The following OSBPL10 variants were observed in gnomAD, a reference collection of about 807,000 sequenced individuals.
The protein encoded by OSBPL10 is oxysterol-binding protein-related protein 10.
Under a neutral mutation model 81.7 loss-of-function variants are expected in OSBPL10, and 49 were observed. That is an observed-to-expected ratio of 0.60 (90% CI 0.48 to 0.76). The LOEUF (loss-of-function observed/expected upper bound fraction) is 0.76. Ranked by LOEUF, OSBPL10 falls within the 30% of genes least tolerant of loss-of-function variation. The probability of loss-of-function intolerance (pLI) is 0.00; values close to 1 mark genes in which losing one functional copy is unlikely to be tolerated. For missense variants in OSBPL10, 923 were observed against 987.8 expected (o/e 0.93, Z 0.88); for synonymous variants, 419 against 383.6 (o/e 1.09, Z -1.08).
chr3:31,994,671 C>T (rs754221696), intron 2 of OSBPL10, among the ~76,000 whole-genome samples: 23 of 152,086 alleles, frequency 1.5e-4, no homozygotes, highest in Non-Finnish European at 2.9e-4. Context: ...AAATGAGACA[C>T]CAAATCAGAA....
intron 1 of OSBPL10, among the ~76,000 whole-genome samples, chr3:31,914,311 TAA>T (rs200015281): frequency 8.6e-5 from 13 of 151,928 alleles, no homozygotes; most frequent in African/African-American, 2.9e-4. Context: ...TATTGGTGAA[TAA>T]AAGAGTGCTA....
intron 6 of OSBPL10, chr3:31,709,106 A>G: frequency 1.1e-6 from 1 of 896,494 alleles, no homozygotes; most frequent in East Asian, 1.2e-4. Flanking sequence ...CCCGATGGAG[A>G]AGCTGGATCT....
intron 6 of OSBPL10, among the ~76,000 whole-genome samples, chr3:31,716,810 G>T (rs982557686): frequency 6.6e-6 from 1 of 152,208 alleles, no homozygotes; most frequent in Admixed American, 6.5e-5. Context: ...GATTCAGAAA[G>T]CTATCACCTT....
Position 31,967,531 on chromosome 3 carries a change from C to A in OSBPL10, c.281+13368G>T, listed in dbSNP as rs148650785. On this transcript the variant is annotated intron_variant, in intron 1 of 11. Coordinates refer to ENST00000396556, the MANE Select transcript of OSBPL10 (RefSeq NM_017784.5). ...ATAAATGGTAATTCATTATAATTTT[C>A]CTATGTTGGAGTAATGAGGAAACAA... is the stretch of plus-strand genomic sequence containing the variant. 2.9e-3 allele frequency among the ~76,000 whole-genome samples: 447 copies of A among 152,154 alleles called. 4 individuals carry two copies. The highest frequency in any genetic ancestry group is 0.01 in the African/African-American group (417 of 41,504).
intron 4 of OSBPL10, among the ~76,000 whole-genome samples, chr3:31,782,459 G>A (rs1698720441): frequency 6.6e-6 from 1 of 152,126 alleles, no homozygotes; most frequent in Non-Finnish European, 1.5e-5. Context: ...ATTAAACCCA[G>A]AAGTTTCTGC....
At chr3:32,003,191 G>A (rs766486009) in intron 2 of OSBPL10, among the ~76,000 whole-genome samples, 5 of 152,224 alleles carry the variant, frequency 3.3e-5, no homozygotes, top group Non-Finnish European at 5.9e-5. Flanking sequence ...GGAGGACTGC[G>A]TAACACTTAC....
chr3:31,808,242 G>A (rs935260224), intron 4 of OSBPL10, among the ~76,000 whole-genome samples: 1 of 152,306 alleles, frequency 6.6e-6, no homozygotes, highest in East Asian at 1.9e-4. Flanking sequence ...GGGAAAGGGG[G>A]AGAAAGGACG....
At chr3:31,788,760 A>G (rs965876302) in intron 4 of OSBPL10, among the ~76,000 whole-genome samples, 3 of 152,148 alleles carry the variant, frequency 2.0e-5, no homozygotes, top group African/African-American at 7.2e-5. Context: ...CCTGGGCAAC[A>G]AAGTGAGACC....
chr3:31,999,335 CTT>C (rs1699121324), intron 2 of OSBPL10, among the ~76,000 whole-genome samples: 1 of 145,072 alleles, frequency 6.9e-6, no homozygotes, highest in Admixed American at 6.9e-5. Context: ...CTTTGGGAGA[CTT>C]TTCAGATAAA....
At chr3:32,075,520 G>A (rs6789724) in intron 1 of OSBPL10, among the ~76,000 whole-genome samples, 19,661 of 152,080 alleles carry the variant, frequency 0.13, 1,690 homozygotes, top group Admixed American at 0.19. Context: ...ATACAAAACA[G>A]CATCCAGGCC....
At chr3:31,881,358 GAA>G in intron 1 of OSBPL10, among the ~76,000 whole-genome samples, 2 of 152,158 alleles carry the variant, frequency 1.3e-5, no homozygotes, top group Admixed American at 6.5e-5. Context: ...GTCATACAGT[GAA>G]CTGATAGAGG....
chr3:31,709,539 A>G (rs571949827), intron 6 of OSBPL10, among the ~76,000 whole-genome samples: 1 of 152,336 alleles, frequency 6.6e-6, no homozygotes, highest in Admixed American at 6.5e-5. Flanking sequence ...TAATTTCTAC[A>G]TTTCTGATTA....
At chr3:31,990,027 T>G (rs1699001931) in intron 2 of OSBPL10, 1 of 1,614,034 alleles carries the variant, frequency 6.2e-7, no homozygotes, top group Admixed American at 1.7e-5. Flanking sequence ...CTTACAAATG[T>G]GAAGAATGTG....
intron 1 of OSBPL10, among the ~76,000 whole-genome samples, chr3:31,921,657 C>T (rs1696919846): frequency 6.6e-6 from 1 of 152,170 alleles, no homozygotes; most frequent in African/African-American, 2.4e-5. Flanking sequence ...TCCCAGGCAT[C>T]AGAACTGCAA....
At chr3:32,025,526 C>A (rs957078035) in intron 2 of OSBPL10, among the ~76,000 whole-genome samples, 3 of 152,110 alleles carry the variant, frequency 2.0e-5, no homozygotes, top group African/African-American at 7.2e-5. Flanking sequence ...ATTGAATGAG[C>A]TGGGAAGTGT....
At chr3:31,848,901 A>T (rs1388145840) in intron 3 of OSBPL10, among the ~76,000 whole-genome samples, 6 of 152,260 alleles carry the variant, frequency 3.9e-5, no homozygotes, top group African/African-American at 1.2e-4. Flanking sequence ...ACTGACTGAC[A>T]GTGGCCTAAA....
At position 31,965,499 on chromosome 3, in the gene OSBPL10, A is replaced by G. The variant is rs1698314554; in HGVS notation, c.281+15400T>C. 5.1e-5 allele frequency among the ~76,000 whole-genome samples: 5 copies of G among 97,458 alleles called. 1 individual carries two copies. Among genetic ancestry groups the G allele is most frequent in the East Asian group, 2.6e-4 (1 of 3,902 alleles). The allele number at this position is 97,458 out of a possible 152,430, so 63.9% of individuals were successfully genotyped here. ...TTATATATTATCTATTTTATATAAT[A>G]TATAAAATAGATAATATATAAACTA... On this transcript the variant is annotated intron_variant, in intron 1 of 11. Coordinates refer to ENST00000396556, the MANE Select transcript of OSBPL10 (RefSeq NM_017784.5).
chr3:31,767,677 T>C (rs947389311), intron 4 of OSBPL10, among the ~76,000 whole-genome samples: 3 of 152,134 alleles, frequency 2.0e-5, no homozygotes, highest in African/African-American at 2.4e-5. Context: ...CCCACTCCCA[T>C]AGCACCTGGC....
intron 6 of OSBPL10, 141 bp from the exon 7 acceptor site, chr3:31,702,649 G>C: frequency 8.5e-7 from 1 of 1,181,144 alleles, no homozygotes; most frequent in East Asian, 2.5e-5. Flanking sequence ...AGTCCTATTG[G>C]CCACGGGGCA....
Sources: allele counts gnomAD v4.1 joint callset (sites outside exome capture counted in the v4.1 genomes callset), GRCh38; gene constraint gnomAD v4.1.1; transcripts MANE v1.5; gene names NCBI Gene and HGNC (gene_info 2026-07-23, HGNC 2026-07-21).